Variants in CDH4 observed in about 807,000 individuals in gnomAD.
The protein encoded by CDH4 is cadherin 4.
Under a neutral mutation model 86.0 loss-of-function variants are expected in CDH4, and 33 were observed. The ratio of observed to expected loss-of-function variants is 0.38; its 90% confidence interval spans 0.29 to 0.51. CDH4 has a LOEUF of 0.51. Ranked by LOEUF, CDH4 falls within the 20% of genes least tolerant of loss-of-function variation. CDH4 has a pLI of 0.86. For synonymous variants in CDH4, 555 were observed against 549.4 expected, an observed-to-expected ratio of 1.01 and a Z score of -0.14; for missense variants, 1,114 against 1,307.4, an observed-to-expected ratio of 0.85 and a Z score of 2.28.
intron 4 of CDH4, among the ~76,000 whole-genome samples, chr20:61,799,307 C>T (rs1244011645): frequency 6.6e-6 from 1 of 152,190 alleles, no homozygotes; most frequent in Non-Finnish European, 1.5e-5. Context: ...CCAGCTGCTA[C>T]CTCCAGGAGA....
At position 61,565,251 on chromosome 20, in the gene CDH4, T is replaced by TCGGTGGTAGG. The variant is rs1555809133; in HGVS notation, c.170-178312_170-178311insCGGTGGTAGG. Among the ~76,000 whole-genome samples, 26 of 79,688 alleles carry TCGGTGGTAGG rather than the reference T, an allele frequency of 3.3e-4. 2 individuals are homozygous for TCGGTGGTAGG. Among genetic ancestry groups the TCGGTGGTAGG allele is most frequent in the Admixed American group, 6.6e-4 (5 of 7,608 alleles). The allele number at this position is 79,688 out of a possible 152,430, so 52.3% of individuals were successfully genotyped here. A position where few individuals can be genotyped will look rare whatever the true frequency, so the allele number is the denominator to read the frequency against. On this transcript the variant is annotated intron_variant, in intron 2 of 15. Coordinates refer to ENST00000614565, the MANE Select transcript of CDH4 (RefSeq NM_001794.5). ...GGTGGTGGTGGTGGTGGCGGTGCTCTTGGTGATGGTGGTGGTGGTCCTCTT... is the reference window on the plus strand; with the variant it reads ...GGTGGTGGTGGTGGTGGCGGTGCTCTCGGTGGTAGGTGGTGATGGTGGTGGTGGTCCTCTT...
At chr20:61,740,385 C>T (rs1266545359) in intron 2 of CDH4, 3 of 152,140 alleles carry the variant, frequency 2.0e-5, no homozygotes, top group African/African-American at 4.8e-5. Context: ...TCATAGGTAC[C>T]CACATTTCAC....
At chr20:61,692,283 G>GTC (rs1310112808) in intron 2 of CDH4, among the ~76,000 whole-genome samples, 17 of 151,818 alleles carry the variant, frequency 1.1e-4, no homozygotes, top group Non-Finnish European at 2.4e-4. Flanking sequence ...CTTTGTGTGT[G>GTC]TGTGTGTGTC....
intron 2 of CDH4, among the ~76,000 whole-genome samples, chr20:61,575,926 G>C (rs1219328572): frequency 6.6e-6 from 1 of 152,192 alleles, no homozygotes; most frequent in African/African-American, 2.4e-5. Flanking sequence ...GATGACATGG[G>C]ATGGGGCTGG....
intron 3 of CDH4, among the ~76,000 whole-genome samples, chr20:61,766,062 C>A (rs2145976526): frequency 6.6e-6 from 1 of 152,096 alleles, no homozygotes; most frequent in Admixed American, 6.5e-5. Flanking sequence ...TCTAGGACCC[C>A]ACTAGGCCAC....
In CDH4 at chr20:61,371,378, TC is replaced by T. The variant is rs200273022; in HGVS notation, c.169+116443del. 8.9e-3 allele frequency among the ~76,000 whole-genome samples: 1,352 copies of T among 152,286 alleles called. 25 individuals are homozygous for T. Among genetic ancestry groups the T allele is most frequent in the African/African-American group, 0.031 (1,304 of 41,548 alleles). On this transcript the variant is annotated intron_variant, in intron 2 of 15. Transcript: ENST00000614565. ...ACCCTTCCTGGGGCAGCCCTTGGTG[TC>T]CAGTGGACATTGAATACCTCAATAC...
intron 2 of CDH4, among the ~76,000 whole-genome samples, chr20:61,589,889 CAG>C (rs1386079270): frequency 4.6e-5 from 7 of 150,840 alleles, no homozygotes. Flanking sequence ...CGTGGACAAA[CAG>C]AGAACAGATA....
intron 4 of CDH4, among the ~76,000 whole-genome samples, chr20:61,822,491 G>A (rs540367898): frequency 6.6e-6 from 1 of 151,904 alleles, no homozygotes; most frequent in East Asian, 1.9e-4. Flanking sequence ...CGCAGCGAAG[G>A]TGTGGTTCGG....
chr20:61,427,315 T>C (rs2085220462), intron 2 of CDH4, among the ~76,000 whole-genome samples: 1 of 152,158 alleles, frequency 6.6e-6, no homozygotes, highest in East Asian at 1.9e-4. Context: ...CATTTCTCCG[T>C]GGGCCAAGGT....
chr20:61,634,106 T>A (rs962544811), intron 2 of CDH4, among the ~76,000 whole-genome samples: 2 of 152,164 alleles, frequency 1.3e-5, no homozygotes, highest in East Asian at 3.9e-4. Context: ...ATTTACCTGA[T>A]CCAACTCAGT....
intron 2 of CDH4, among the ~76,000 whole-genome samples, chr20:61,263,690 A>G (rs945139768): frequency 6.6e-6 from 1 of 152,196 alleles, no homozygotes; most frequent in African/African-American, 2.4e-5. Context: ...AGCTTAAACA[A>G]CACAAAGTTA....
chr20:61,310,696 TG>T, intron 2 of CDH4, among the ~76,000 whole-genome samples: 1 of 117,276 alleles, frequency 8.5e-6, no homozygotes, highest in African/African-American at 2.9e-5. Context: ...GTTTCCTCAC[TG>T]TTCTGGGGGC....
intron 2 of CDH4, among the ~76,000 whole-genome samples, chr20:61,430,600 C>G (rs1015979392): frequency 2.0e-5 from 3 of 152,150 alleles, no homozygotes; most frequent in African/African-American, 7.2e-5. Context: ...TCTGAATCAA[C>G]ACTGCAATGG....
intron 2 of CDH4, among the ~76,000 whole-genome samples, chr20:61,371,854 A>T (rs1268983507): frequency 1.3e-5 from 2 of 152,222 alleles, no homozygotes; most frequent in Admixed American, 1.3e-4. Context: ...TCCTGCGGTG[A>T]TGTAAACCCC....
In CDH4 at chr20:61,938,909, C is replaced by T. The variant is rs6142691; in HGVS notation, c.*1966C>T. The T allele has an allele frequency of 0.073, 11,183 of 152,318 alleles. 695 individuals carry two copies. The highest frequency in any genetic ancestry group is 0.33 in the East Asian group (1,693 of 5,154). The allele number at this position is 152,318 out of a possible 1,614,324, so 9.4% of individuals were successfully genotyped here. On this transcript the variant is annotated 3_prime_UTR_variant, in exon 16 of 16. Transcript: ENST00000614565. ...CCCTCCCATGGCTGCCCAGGGAGGG[C>T]GGGGTTCACTGTGCCACGTGCTGGG...
At chr20:61,744,481 AGGTG>A (rs2088387310) in intron 3 of CDH4, among the ~76,000 whole-genome samples, 1 of 22,060 alleles carries the variant, frequency 4.5e-5, no homozygotes, top group African/African-American at 2.4e-4. Context: ...AGATGGAGAG[AGGTG>A]GAGGGAGAGA....
At chr20:61,745,986 C>T (rs1347919614) in intron 3 of CDH4, among the ~76,000 whole-genome samples, 11 of 151,872 alleles carry the variant, frequency 7.2e-5, no homozygotes, top group African/African-American at 1.7e-4. Flanking sequence ...GAATGTGCCT[C>T]GACCCACACC....
intron 4 of CDH4, among the ~76,000 whole-genome samples, chr20:61,841,772 C>T (rs925805285): frequency 3.3e-5 from 5 of 149,910 alleles, no homozygotes; most frequent in South Asian, 2.1e-4. Context: ...TGTGTGCGCG[C>T]GTGCGCGCAC....
intron 4 of CDH4, among the ~76,000 whole-genome samples, chr20:61,778,881 T>G (rs913461746): frequency 6.6e-6 from 1 of 152,014 alleles, no homozygotes; most frequent in African/African-American, 2.4e-5. Context: ...GACTGGACAG[T>G]TTGGGCAGTT....
Sources: allele counts gnomAD v4.1 joint callset (sites outside exome capture counted in the v4.1 genomes callset), GRCh38; gene constraint gnomAD v4.1.1; transcripts MANE v1.5; gene names NCBI Gene and HGNC (gene_info 2026-07-23, HGNC 2026-07-21).